The following BICD1 variants were observed in gnomAD, a reference collection of about 807,000 sequenced individuals.
BICD1 encodes BICD cargo adaptor 1.
BICD1 carries 35 observed loss-of-function variants against 92.5 expected under a neutral mutation model. The ratio of observed to expected loss-of-function variants is 0.38; its 90% CI spans 0.29 to 0.50. The LOEUF is 0.50. BICD1 is among the 20% of genes least tolerant of loss of function. The pLI is 0.93. For synonymous variants in BICD1, 429 were observed against 465.1 expected (o/e 0.92, Z 1.00); for missense variants, 950 against 1,189.8 (o/e 0.80, Z 2.97).
chr12:32,146,119 C>T (rs1232603766), intron 1 of BICD1, among the ~76,000 whole-genome samples: 2 of 152,172 alleles, frequency 1.3e-5, no homozygotes, highest in Non-Finnish European at 2.9e-5. Flanking sequence ...ATTATTCTTC[C>T]CTTTCACTCT....
At chr12:32,202,773 T>C (rs1944943290) in intron 1 of BICD1, among the ~76,000 whole-genome samples, 1 of 151,916 alleles carries the variant, frequency 6.6e-6, no homozygotes, top group Admixed American at 6.6e-5. Flanking sequence ...ACCATGCCTG[T>C]CTAATTTTTA....
chr12:32,113,537 C>T (rs925941658), intron 1 of BICD1, among the ~76,000 whole-genome samples: 4 of 151,782 alleles, frequency 2.6e-5, no homozygotes, highest in Non-Finnish European at 1.5e-5. Flanking sequence ...AGACCCATGC[C>T]ACCATGCCTG....
At chr12:32,131,720 C>A (rs1056147263) in intron 1 of BICD1, among the ~76,000 whole-genome samples, 1 of 152,126 alleles carries the variant, frequency 6.6e-6, no homozygotes, top group African/African-American at 2.4e-5. Context: ...AATTCCTGAT[C>A]GTAAATAAGA....
chr12:32,244,691 C>T (rs192264670), intron 2 of BICD1, among the ~76,000 whole-genome samples: 8 of 150,308 alleles, frequency 5.3e-5, no homozygotes, highest in African/African-American at 1.2e-4. Flanking sequence ...TGCAGTGGCA[C>T]GATCTCGGCT....
At chr12:32,366,163 G>T (rs941259326) in intron 8 of BICD1, among the ~76,000 whole-genome samples, 1 of 152,078 alleles carries the variant, frequency 6.6e-6, no homozygotes, top group Non-Finnish European at 1.5e-5. Flanking sequence ...CAGTTTTTTC[G>T]AATTTTAAAT....
chr12:32,113,882 T>G (rs1288831924), intron 1 of BICD1, among the ~76,000 whole-genome samples: 9 of 151,700 alleles, frequency 5.9e-5, no homozygotes. Context: ...AATAATTTTT[T>G]TTTTTCCAAG....
intron 8 of BICD1, chr12:32,339,658 A>T (rs1333049147): frequency 1.0e-6 from 1 of 985,312 alleles, no homozygotes; most frequent in Non-Finnish European, 1.2e-6. Flanking sequence ...TATGGCAAAT[A>T]GAGAAAATTA....
intron 2 of BICD1, among the ~76,000 whole-genome samples, chr12:32,256,759 T>C (rs1216224261): frequency 6.6e-6 from 1 of 152,164 alleles, no homozygotes; most frequent in East Asian, 1.9e-4. Context: ...TTTTTATCTG[T>C]AAAAAGGAAG....
intron 2 of BICD1, among the ~76,000 whole-genome samples, chr12:32,267,814 T>C (rs1947039055): frequency 6.6e-6 from 1 of 152,172 alleles, no homozygotes; most frequent in Admixed American, 6.6e-5. Context: ...TTAAAATAAG[T>C]TTTTTTAGAG....
chr12:32,340,275 A>G, intron 8 of BICD1: 1 of 985,436 alleles, frequency 1.0e-6, no homozygotes, highest in Non-Finnish European at 1.2e-6. Context: ...ATGAGTTGGA[A>G]TGGTGTAATA....
At chr12:32,307,134 A>G (rs536490778) in intron 4 of BICD1, among the ~76,000 whole-genome samples, 1 of 152,326 alleles carries the variant, frequency 6.6e-6, no homozygotes, top group African/African-American at 2.4e-5. Flanking sequence ...TTTTCATCAC[A>G]AGCAACTGTG....
chr12:32,306,535 G>A lies in BICD1; in HGVS notation c.1005+413G>A, dbSNP rs188241058. Among the ~76,000 whole-genome samples the A allele has an allele frequency of 7.5e-3, 1,145 of 152,024 alleles. 18 individuals are homozygous for A. Among genetic ancestry groups the A allele is most frequent in the African/African-American group, 0.026 (1,076 of 41,468 alleles). ...TGGGATTACAGGCGTGAGCCACCGC[G>A]CCCAGCCCCAGCTTTCTTTTCTAAA... is the stretch of plus-strand genomic sequence containing the variant. On this transcript the variant is annotated intron_variant, in intron 4 of 9. Transcript: ENST00000652176.
At chr12:32,187,965 G>A (rs760019984) in intron 1 of BICD1, among the ~76,000 whole-genome samples, 3 of 150,734 alleles carry the variant, frequency 2.0e-5, no homozygotes, top group Non-Finnish European at 2.9e-5. Flanking sequence ...TTTAGACGGA[G>A]TCTCGCTCTG....
In BICD1 at chr12:32,107,203, T is replaced by C; in HGVS notation, c.-129T>C. On this transcript the variant is annotated 5_prime_UTR_variant, in exon 1 of 10. Transcript: ENST00000652176. ...CAGAGCCGGCGGGGCATCGCGCTGCTCATTCATCCGGCCGCACTTTCTTTT... is the reference window on the plus strand; with the variant it reads ...CAGAGCCGGCGGGGCATCGCGCTGCCCATTCATCCGGCCGCACTTTCTTTT... 2 of 884,082 alleles carry C rather than the reference T, an allele frequency of 2.3e-6. No individual in the cohort carries two copies. The highest frequency in any genetic ancestry group is 3.4e-6 in the Non-Finnish European group (2 of 582,512). 54.8% of individuals were successfully genotyped at this position (884,082 alleles called of 1,614,324 possible). A position where few individuals can be genotyped will look rare whatever the true frequency, so the allele number is the denominator to read the frequency against.
chr12:32,335,695 G>A (rs7300646), intron 6 of BICD1, among the ~76,000 whole-genome samples: 36,819 of 149,732 alleles, frequency 0.25, 4,947 homozygotes, highest in East Asian at 0.6. Flanking sequence ...ATCCTCCCAC[G>A]TCACCTCAGC....
At chr12:32,364,741 C>T (rs933051946) in intron 8 of BICD1, among the ~76,000 whole-genome samples, 1 of 151,922 alleles carries the variant, frequency 6.6e-6, no homozygotes, top group South Asian at 2.1e-4. Flanking sequence ...GCTTGAGGCC[C>T]GGAGTTCAAG....
At chr12:32,152,642 A>G (rs1051987872) in intron 1 of BICD1, among the ~76,000 whole-genome samples, 2 of 152,202 alleles carry the variant, frequency 1.3e-5, no homozygotes, top group African/African-American at 4.8e-5. Context: ...AGACATTTAT[A>G]TATATAAACT....
intron 8 of BICD1, among the ~76,000 whole-genome samples, chr12:32,362,509 T>C (rs1939369057): frequency 6.6e-6 from 1 of 152,234 alleles, no homozygotes; most frequent in Non-Finnish European, 1.5e-5. Context: ...AAAAACAATA[T>C]TATCTTCATT....
chr12:32,289,442 G>T (rs1233001436), intron 2 of BICD1, among the ~76,000 whole-genome samples: 1 of 152,218 alleles, frequency 6.6e-6, no homozygotes, highest in Non-Finnish European at 1.5e-5. Flanking sequence ...CTGAAGTGCA[G>T]TGGTGCGATC....
Sources: gnomAD v4.1 joint callset for allele counts (sites outside exome capture counted in the v4.1 genomes callset) on GRCh38, gnomAD v4.1.1 for gene constraint, MANE v1.5 for transcripts, NCBI Gene and HGNC (gene_info 2026-07-23, HGNC 2026-07-21) for gene names.